BUB1B: variants seen among roughly 807,000 people sequenced by gnomAD.
BUB1B encodes the protein mitotic checkpoint serine/threonine-protein kinase BUB1 beta.
BUB1B carries 86 observed loss-of-function variants against 137.7 expected under a neutral mutation model. That is an observed-to-expected ratio of 0.62 (90% CI 0.52 to 0.75). The LOEUF is 0.75. Ranked by LOEUF, BUB1B falls within the 30% of genes least tolerant of loss-of-function variation. BUB1B has a pLI of 0.00. For synonymous variants in BUB1B, 420 were observed against 417.9 expected, an observed-to-expected ratio of 1.00 and a Z score of -0.06; for missense variants, 1,130 against 1,236.9, an observed-to-expected ratio of 0.91 and a Z score of 1.30.
At chr15:40,197,229 T>G (rs2037509874) in intron 9 of BUB1B, among the ~76,000 whole-genome samples, 2 of 152,206 alleles carry the variant, frequency 1.3e-5, no homozygotes, top group Admixed American at 1.3e-4. Context: ...TTATTTAGAT[T>G]AACATAGTAG....
At chr15:40,163,012 G>A (rs2037057871) in intron 1 of BUB1B, among the ~76,000 whole-genome samples, 1 of 152,156 alleles carries the variant, frequency 6.6e-6, no homozygotes, top group Non-Finnish European at 1.5e-5. Context: ...TGTATGTGGA[G>A]TTTTCATGTT....
intron 8 of BUB1B, among the ~76,000 whole-genome samples, chr15:40,190,746 G>T (rs927335968): frequency 1.3e-5 from 2 of 152,216 alleles, no homozygotes; most frequent in African/African-American, 4.8e-5. Context: ...CACAAGAACT[G>T]CAATGCTGGG....
intron 18 of BUB1B, among the ~76,000 whole-genome samples, chr15:40,211,977 C>T (rs138454792): frequency 1.3e-3 from 192 of 152,312 alleles, no homozygotes; most frequent in African/African-American, 4.4e-3. Flanking sequence ...CACCCGCCAC[C>T]AAAAGCCTAG....
intron 6 of BUB1B, among the ~76,000 whole-genome samples, 174 bp from the exon 7 acceptor site, chr15:40,184,991 C>T (rs183164372): frequency 1.4e-3 from 213 of 151,188 alleles, no homozygotes; most frequent in African/African-American, 4.8e-3. Context: ...ATGGATAAAA[C>T]GATTCTATTT....
Position 40,210,156 on chromosome 15 carries a change from T to C in BUB1B, c.2331T>C (p.Asp777=). ...CIKREYLICE[D]YKLFWVAPRN... is the part of the protein sequence containing the mutation. ...AACGAGAATACCTAATATGTGAAGA[T>C]TACAAGTTATTCTGGGTGGCGCCAA... Residue 777 remains aspartate (D), a synonymous_variant, in exon 18 of 23, where the codon GAT becomes GAC. Transcript: ENST00000287598. The C allele has an allele frequency of 6.2e-7, 1 of 1,612,810 alleles. No individual in the cohort carries two copies. Among genetic ancestry groups the C allele is most frequent in the African/African-American group, 1.3e-5 (1 of 74,978 alleles).
chr15:40,196,658 A>G lies in BUB1B; in HGVS notation c.1172A>G (p.Glu391Gly). 6.2e-7 allele frequency: 1 copy of G among 1,614,018 alleles called. No homozygotes were observed. Among genetic ancestry groups the G allele is most frequent in the South Asian group, 1.1e-5 (1 of 91,068 alleles). ...CAGAGCCATCAGCAAGCGTCTGAGG[A>G]GAAGAAAGAGAAGATGATGTATTGT... ...RVQSHQQASE[E>G]KKEKMMYCKE... The change falls in exon 9 of 23, where the codon GAG becomes GGG. Residue 391 changes from glutamate to glycine, a missense_variant. Glu to Gly is a moderately conservative substitution (Grantham distance 98). Coordinates refer to ENST00000287598, the MANE Select transcript of BUB1B (RefSeq NM_001211.6).
At chr15:40,176,759 G>T in intron 5 of BUB1B, 86 bp downstream of exon 5, 2 of 1,408,248 alleles carry the variant, frequency 1.4e-6, no homozygotes, top group South Asian at 2.5e-5. Context: ...GTGCTTTCTG[G>T]TGGATTGGCA....
intron 14 of BUB1B, 92 bp from the exon 15 acceptor site, chr15:40,206,092 C>G: frequency 9.9e-6 from 13 of 1,313,620 alleles, no homozygotes; most frequent in Non-Finnish European, 1.4e-5. Context: ...ATTTCTGTAC[C>G]CTGTGTCACT....
intron 8 of BUB1B, among the ~76,000 whole-genome samples, chr15:40,190,331 C>T (rs1393564815): frequency 6.6e-6 from 1 of 151,922 alleles, no homozygotes; most frequent in Admixed American, 6.6e-5. Flanking sequence ...TGAGGCTGGG[C>T]ATGGTGGCTG....
At chr15:40,196,863 T>C (rs1443447942) in intron 9 of BUB1B, 89 bp downstream of exon 9, 5 of 1,189,544 alleles carry the variant, frequency 4.2e-6, no homozygotes, top group Admixed American at 1.8e-5. Context: ...ACTAACCTTA[T>C]AGTTTGTACC....
intron 6 of BUB1B, among the ~76,000 whole-genome samples, chr15:40,184,496 T>A (rs745385787): frequency 6.6e-6 from 1 of 152,128 alleles, no homozygotes; most frequent in Non-Finnish European, 1.5e-5. Flanking sequence ...TAGAGTAGTT[T>A]TAGGTTCATA....
intron 12 of BUB1B, among the ~76,000 whole-genome samples, chr15:40,201,381 G>A (rs901520092): frequency 6.6e-6 from 1 of 152,082 alleles, no homozygotes; most frequent in African/African-American, 2.4e-5. Context: ...ACTTGTAAAT[G>A]GTTTGGCAAA....
At chr15:40,185,513 A>G (rs751551517) in intron 7 of BUB1B, 38 bp from the exon 8 acceptor site, 1 of 1,605,674 alleles carries the variant, frequency 6.2e-7, no homozygotes, top group Non-Finnish European at 8.5e-7. Flanking sequence ...CTGAGAACAT[A>G]AAACTATGGT....
Position 40,189,372 on chromosome 15 carries a change from C to G in BUB1B, c.1058+3730C>G, listed in dbSNP as rs561055520. On this transcript the variant is annotated intron_variant, in intron 8 of 22. Transcript: ENST00000287598. Reference sequence around the variant, plus strand: ...ACAGGCTTTCACCACGTTGGCCAGGCTGGTCTCAAACTCCTGACCTCAAGT... The same window carrying G: ...ACAGGCTTTCACCACGTTGGCCAGGGTGGTCTCAAACTCCTGACCTCAAGT... Among the ~76,000 whole-genome samples the G allele has an allele frequency of 3.2e-3, 495 of 152,320 alleles. 2 individuals carry two copies. The highest frequency in any genetic ancestry group is 0.011 in the African/African-American group (471 of 41,576).
intron 4 of BUB1B, among the ~76,000 whole-genome samples, chr15:40,174,752 T>G (rs1261727597): frequency 6.6e-6 from 1 of 152,158 alleles, no homozygotes; most frequent in Non-Finnish European, 1.5e-5. Flanking sequence ...GATCACCAGG[T>G]CAAGAGATGG....
chr15:40,172,065 A>G (rs2037168873), intron 4 of BUB1B, among the ~76,000 whole-genome samples: 1 of 151,978 alleles, frequency 6.6e-6, no homozygotes. Context: ...TCTTAATAAA[A>G]TAAAGTAAGA....
chr15:40,205,625 C>T (rs532250523), intron 14 of BUB1B, among the ~76,000 whole-genome samples: 3 of 152,086 alleles, frequency 2.0e-5, no homozygotes, highest in South Asian at 2.1e-4. Context: ...CTTATAGACC[C>T]ACAATGTGGC....
At chr15:40,201,779 G>T (rs1168187966) in intron 12 of BUB1B, among the ~76,000 whole-genome samples, 3 of 152,066 alleles carry the variant, frequency 2.0e-5, no homozygotes, top group Non-Finnish European at 2.9e-5. Flanking sequence ...CCATTCTCTT[G>T]CCTCAGCCTC....
Position 40,161,209 on chromosome 15 carries a change from C to A in BUB1B, c.-12C>A. ...CCTGCAGCAGGACGAGGACCTGAGC[C>A]AGGAATGCAGGATGGCGGCGGTGAA... On this transcript the variant is annotated 5_prime_UTR_variant, in exon 1 of 23. Coordinates refer to ENST00000287598, the MANE Select transcript of BUB1B (RefSeq NM_001211.6). The A allele has an allele frequency of 6.2e-7, 1 of 1,613,220 alleles. No individual in the cohort carries two copies. The highest frequency in any genetic ancestry group is 1.3e-5 in the African/African-American group (1 of 75,026).
Sources: gnomAD v4.1 joint callset for allele counts (sites outside exome capture counted in the v4.1 genomes callset) on GRCh38, gnomAD v4.1.1 for gene constraint, MANE v1.5 for transcripts, NCBI Gene and HGNC (gene_info 2026-07-23, HGNC 2026-07-21) for gene names.